SLC4A9: variants seen among roughly 807,000 people sequenced by gnomAD.
SLC4A9 encodes the protein solute carrier family 4 member 9.
SLC4A9 carries 102 observed loss-of-function variants against 103.2 expected under a neutral mutation model. The ratio of observed to expected loss-of-function variants is 0.99; its 90% confidence interval spans 0.84 to 1.17. The LOEUF (loss-of-function observed/expected upper bound fraction) is 1.17, where lower values mean the gene tolerates loss of function less well. SLC4A9 is among the 50% of genes most tolerant of loss of function. SLC4A9 has a pLI of 0.00. For synonymous variants in SLC4A9, 453 were observed against 483.6 expected, an observed-to-expected ratio of 0.94 and a Z score of 0.83; for missense variants, 1,091 against 1,193.7, an observed-to-expected ratio of 0.91 and a Z score of 1.27.
intron 20 of SLC4A9, 98 bp from the exon 21 acceptor site, chr5:140,372,647 A>G (rs1317459240): frequency 2.1e-6 from 3 of 1,448,590 alleles, no homozygotes; most frequent in Non-Finnish European, 2.7e-6. Flanking sequence ...CTCAACTCTG[A>G]TCTTTGTTTT....
rs781212582 is a variant in SLC4A9, at chr5:140,368,671, A to T, written c.2427+12A>T. On this transcript the variant is annotated intron_variant, in intron 17 of 21. Coordinates refer to ENST00000506757, the MANE Select transcript of SLC4A9 (RefSeq NM_031467.3). ...CACCTGTGCTCAAGGTACCTTTGTT[A>T]TACAAGCCAGGATCAGGGTCAGTGT... 6.2e-7 allele frequency: 1 copy of T among 1,611,568 alleles called. No homozygotes were observed. The highest frequency in any genetic ancestry group is 8.5e-7 in the Non-Finnish European group (1 of 1,178,268).
rs763744035 is a variant in SLC4A9, at chr5:140,364,107, G to A, written c.1308G>A (p.Leu436=). ...CAGTGGCTGGAGCTGCCTTCTGCCT[G>A]ATGGCAGGCCAGCCCCTCACCATTC... ...GTAVAGAAFC[L]MAGQPLTILS... is the part of the protein sequence containing the mutation. Residue 436 remains leucine, a synonymous_variant, in exon 10 of 22, where the codon CTG becomes CTA. Coordinates refer to ENST00000506757, the MANE Select transcript of SLC4A9 (RefSeq NM_031467.3). 2 of 1,589,532 alleles carry A rather than the reference G, an allele frequency of 1.3e-6. No individual in the cohort carries two copies. The highest frequency in any genetic ancestry group is 1.7e-6 in the Non-Finnish European group (2 of 1,168,526).
rs766575468 is a variant in SLC4A9, at chr5:140,363,569, G to T, written c.1079+14G>T. 2 of 1,552,758 alleles carry T rather than the reference G, an allele frequency of 1.3e-6. No individual in the cohort carries two copies. Among genetic ancestry groups the T allele is most frequent in the Admixed American group, 2.0e-5 (1 of 51,082 alleles). ...GCGGACCGGCAGGTGAGGCGAGCTGGGAGGAAACAAGGGTAGGTGACCTGG... is the reference window on the plus strand; with the variant it reads ...GCGGACCGGCAGGTGAGGCGAGCTGTGAGGAAACAAGGGTAGGTGACCTGG... On this transcript the variant is annotated intron_variant, in intron 8 of 21. Transcript: ENST00000506757. This position sits in a 1 kb window ranked among gnomAD's most constrained non-coding sequence, Gnocchi z 4.5.
At position 140,363,253 on chromosome 5, in the gene SLC4A9, C is replaced by T. The variant is rs898476910; in HGVS notation, c.963-186C>T. On this transcript the variant is annotated intron_variant, in intron 7 of 21. Coordinates refer to ENST00000506757, the MANE Select transcript of SLC4A9 (RefSeq NM_031467.3). The surrounding 1 kb of genome is among the most constrained non-coding windows in gnomAD (Gnocchi z 4.5). ...CTAAGAGACCTGAACAAAGACCTTC[C>T]CTGCCCGAGCCTGGCTTTCACAGGT... Among the ~76,000 whole-genome samples, 1 of 152,188 alleles carries T rather than the reference C, an allele frequency of 6.6e-6. No individual in the cohort carries two copies. The highest frequency in any genetic ancestry group is 2.4e-5 in the African/African-American group (1 of 41,444).
In SLC4A9 at chr5:140,372,333, A is replaced by G. The variant is rs371437815; in HGVS notation, c.2762A>G (p.Glu921Gly). ...LWLDELMPEE[E>G]RSIPEKGLEP... ...CTGGATGAGCTGATGCCAGAGGAGG[A>G]GAGAAGCATCCCTGAGAAGGGGCTG... Residue 921 changes from glutamate (E) to glycine (G), a missense_variant, in exon 20 of 22, where the codon GAG (glutamate) becomes GGG (glycine). Coordinates refer to ENST00000506757, the MANE Select transcript of SLC4A9 (RefSeq NM_031467.3). 9 of 1,610,308 alleles carry G rather than the reference A, an allele frequency of 5.6e-6. No individual in the cohort carries two copies. The highest frequency in any genetic ancestry group is 1.7e-4 in the Middle Eastern group (1 of 6,050).
intron 12 of SLC4A9, 45 bp from the exon 13 acceptor site, chr5:140,365,789 T>G: frequency 1.3e-6 from 2 of 1,581,784 alleles, no homozygotes; most frequent in Non-Finnish European, 1.7e-6. Context: ...AGCAGGACAT[T>G]TACTCCATTG....
intron 1 of SLC4A9, 78 bp from the exon 2 acceptor site, chr5:140,360,734 C>T: frequency 1.9e-6 from 3 of 1,596,366 alleles, no homozygotes; most frequent in South Asian, 1.1e-5. Context: ...GCCTTGCCTT[C>T]CCTAGCTCCT....
At chr5:140,374,184 G>A (rs564925564) in intron 21 of SLC4A9, among the ~76,000 whole-genome samples, 8 of 147,502 alleles carry the variant, frequency 5.4e-5, no homozygotes, top group Non-Finnish European at 1.1e-4. Context: ...GCGAGACTCC[G>A]TCTCAAAAAA....
At chr5:140,360,747 G>C in intron 1 of SLC4A9, 65 bp from the exon 2 acceptor site, 1 of 1,606,976 alleles carries the variant, frequency 6.2e-7, no homozygotes, top group Non-Finnish European at 8.5e-7. Flanking sequence ...TAGCTCCTCT[G>C]CATCTCTGCT....
chr5:140,363,915 C>T lies in SLC4A9; in HGVS notation c.1254+13C>T. 6.2e-7 allele frequency: 1 copy of T among 1,612,364 alleles called. No homozygotes were observed. The highest frequency in any genetic ancestry group is 8.5e-7 in the Non-Finnish European group (1 of 1,179,166). ...TGATGGTGCCCAGGTGGGTAGGGCCCAGGGGGCAGGCACAAGCGTTGGTGT... is the reference window on the plus strand; with the variant it reads ...TGATGGTGCCCAGGTGGGTAGGGCCTAGGGGGCAGGCACAAGCGTTGGTGT... On this transcript the variant is annotated intron_variant, in intron 9 of 21. Transcript: ENST00000506757. This position sits in a 1 kb window ranked among gnomAD's most constrained non-coding sequence, Gnocchi z 4.5.
chr5:140,371,301 T>C lies in SLC4A9; in HGVS notation c.2496+138T>C, dbSNP rs1581165916. 4 of 1,380,448 alleles carry C rather than the reference T, an allele frequency of 2.9e-6. No homozygotes were observed. The African/African-American group carries it at 5.7e-5, about 20-fold the overall frequency. The allele number at this position is 1,380,448 out of a possible 1,614,324, so 85.5% of individuals were successfully genotyped here. On this transcript the variant is annotated intron_variant, in intron 18 of 21. Coordinates refer to ENST00000506757, the MANE Select transcript of SLC4A9 (RefSeq NM_031467.3). ...CTGCTTACACTTGCCAATTTCCCTC[T>C]TACTCTCTTTTTCCTGTCTCTCCTG...
Position 140,361,344 on chromosome 5 carries a change from C to A in SLC4A9, c.482C>A (p.Thr161Asn), listed in dbSNP as rs760782977. ...LLQRPQHYNQTTGTRPCWGST... is the reference protein window; with the variant it reads ...LLQRPQHYNQNTGTRPCWGST... ...CAGAGACCCCAGCATTACAACCAGA[C>A]CACAGGCACCAGGCCCTGCTGGGGT... The change falls in exon 3 of 22, where the codon ACC becomes AAC. Residue 161 changes from threonine (T) to asparagine (N), a missense_variant. Thr to Asn is a moderately conservative substitution (Grantham distance 65). Coordinates refer to ENST00000506757, the MANE Select transcript of SLC4A9 (RefSeq NM_031467.3). 4 of 1,559,598 alleles carry A rather than the reference C, an allele frequency of 2.6e-6. No individual in the cohort carries two copies. The highest frequency in any genetic ancestry group is 3.3e-4 in the Middle Eastern group (2 of 6,000).
At position 140,371,151 on chromosome 5, in the gene SLC4A9, C is replaced by T; in HGVS notation, c.2484C>T (p.Leu828=). 6.2e-7 allele frequency: 1 copy of T among 1,610,736 alleles called. No homozygotes were observed. The highest frequency in any genetic ancestry group is 8.5e-7 in the Non-Finnish European group (1 of 1,178,360). Residue 828 remains leucine (L), a synonymous_variant, in exon 18 of 22, where the codon CTC becomes CTT. Transcript: ENST00000506757. ...TCCTGTATATGGGGGTGGCAGCGCT[C>T]AGCAGCATTCAGGTGAGCCCATTAA... ...GIFLYMGVAA[L]SSIQFTNRVK...
rs1418615675 is a variant in SLC4A9, at chr5:140,361,545, G to A, written c.505+178G>A. ...GGAGAAGATTCAGGGGGCTAGAATCGTAAGAGAGTTCTGTGAAGACATGTA... is the reference window on the plus strand; with the variant it reads ...GGAGAAGATTCAGGGGGCTAGAATCATAAGAGAGTTCTGTGAAGACATGTA... On this transcript the variant is annotated intron_variant, in intron 3 of 21. Transcript: ENST00000506757. Among the ~76,000 whole-genome samples the A allele has an allele frequency of 4.6e-5, 7 of 152,222 alleles. No individual in the cohort carries two copies. The South Asian group carries it at 6.2e-4, about 13-fold the overall frequency.
chr5:140,371,248 C>A, intron 18 of SLC4A9, 85 bp downstream of exon 18: 1 of 1,467,614 alleles, frequency 6.8e-7, no homozygotes. Flanking sequence ...AGCAACCCTA[C>A]TCCTTTTTTC....
Position 140,363,068 on chromosome 5 carries a change from T to C in SLC4A9, c.962+2T>C, listed in dbSNP as rs1767343325. On this transcript the variant is annotated splice_donor_variant, in intron 7 of 21. Transcript: ENST00000506757. LOFTEE classifies it high-confidence loss of function. This position sits in a 1 kb window ranked among gnomAD's most constrained non-coding sequence, Gnocchi z 4.5. Reference sequence around the variant, plus strand: ...ATGTCTGCCATCTCAGCACAAAAGGTACCTGGGAGCCATCATCCCATACAG... The same window carrying C: ...ATGTCTGCCATCTCAGCACAAAAGGCACCTGGGAGCCATCATCCCATACAG... The C allele has an allele frequency of 6.2e-7, 1 of 1,612,686 alleles. No homozygotes were observed. Among genetic ancestry groups the C allele is most frequent in the Non-Finnish European group, 8.5e-7 (1 of 1,179,574 alleles).
intron 2 of SLC4A9, 128 bp downstream of exon 2, chr5:140,361,100 G>A (rs1434832711): frequency 5.8e-6 from 7 of 1,206,586 alleles, no homozygotes; most frequent in Non-Finnish European, 8.1e-6. Context: ...CCTTGTCACA[G>A]GGTGGACATG....
rs750868356 is a variant in SLC4A9 at position 140,367,867 on chromosome 5, C to T, written c.2323C>T (p.Pro775Ser). ...SLRRESRACA[P>S]GERPNFLGIR... ...TCGGAGAGAGAGCAGAGCCTGTGCC[C>T]CCGGGGAGCGCCCCAACTTCCTGGG... Residue 775 changes from proline (P) to serine (S), a missense_variant, in exon 16 of 22, where the codon CCC becomes TCC. Transcript: ENST00000506757. 3.7e-6 allele frequency: 6 copies of T among 1,613,876 alleles called. No individual in the cohort carries two copies. The highest frequency in any genetic ancestry group is 2.7e-5 in the African/African-American group (2 of 75,034).
Position 140,360,809 on chromosome 5 carries a change from C to G in SLC4A9, c.231-3C>G, listed in dbSNP as rs370367507. On this transcript the variant is annotated splice_region_variant and splice_polypyrimidine_tract_variant and intron_variant, in intron 1 of 21. Transcript: ENST00000506757. ...TAACACTGTCTACCCACCTTCATCA[C>G]AGGTGGGTACTGTTTGAGGAGAAGT... 2.9e-5 allele frequency: 47 copies of G among 1,613,508 alleles called. No homozygotes were observed. In the African/African-American group the frequency reaches 5.3e-4, roughly 18 times the overall value.
Sources: gnomAD v4.1 joint callset for allele counts (sites outside exome capture counted in the v4.1 genomes callset) on GRCh38, gnomAD v4.1.1 for gene constraint, Gnocchi (gnomAD v3.1) non-coding constraint, MANE v1.5 for transcripts, NCBI Gene and HGNC (gene_info 2026-07-23, HGNC 2026-07-21) for gene names.